FHIT: variants seen among roughly 807,000 people sequenced by gnomAD.
FHIT encodes the protein bis(5'-adenosyl)-triphosphatase.
Under a neutral mutation model 17.9 loss-of-function variants are expected in FHIT, and 19 were observed. That is an observed-to-expected ratio of 1.06 (90% CI 0.74 to 1.56). The LOEUF is 1.56. FHIT is among the 40% of genes most tolerant of loss of function. The pLI, the probability that FHIT is intolerant of heterozygous loss-of-function variation, is 0.00. For synonymous variants in FHIT, 81 were observed against 69.7 expected, an observed-to-expected ratio of 1.16 and a Z score of -0.81; for missense variants, 248 against 189.2, an observed-to-expected ratio of 1.31 and a Z score of -1.82.
intron 5 of FHIT, among the ~76,000 whole-genome samples, chr3:60,070,265 G>A (rs1283353399): frequency 2.6e-5 from 4 of 152,150 alleles, no homozygotes; most frequent in Admixed American, 2.0e-4. Context: ...CCCAAGATAT[G>A]ATGATGGAGG....
At chr3:60,924,750 A>G (rs1707490380) in intron 3 of FHIT, among the ~76,000 whole-genome samples, 1 of 152,174 alleles carries the variant, frequency 6.6e-6, no homozygotes, top group Non-Finnish European at 1.5e-5. Flanking sequence ...TCAGACGATC[A>G]AACTACTCCG....
At chr3:60,294,979 C>T (rs1025947364) in intron 5 of FHIT, among the ~76,000 whole-genome samples, 2 of 152,112 alleles carry the variant, frequency 1.3e-5, no homozygotes, top group Non-Finnish European at 2.9e-5. Context: ...AATAAAGCTG[C>T]TAGGAACATT....
intron 5 of FHIT, among the ~76,000 whole-genome samples, chr3:60,359,473 G>T (rs1055778786): frequency 2.0e-5 from 3 of 151,764 alleles, no homozygotes; most frequent in African/African-American, 7.3e-5. Context: ...TAGAGACAGG[G>T]TTTCACCATG....
At chr3:60,044,259 A>G (rs1427092346) in intron 5 of FHIT, among the ~76,000 whole-genome samples, 2 of 152,196 alleles carry the variant, frequency 1.3e-5, no homozygotes, top group East Asian at 3.9e-4. Flanking sequence ...TTGATAGATG[A>G]ACTGTCTTTT....
At chr3:60,692,552 G>T (rs1042233714) in intron 4 of FHIT, among the ~76,000 whole-genome samples, 1 of 152,082 alleles carries the variant, frequency 6.6e-6, no homozygotes, top group Non-Finnish European at 1.5e-5. Context: ...ATGAAAGGGG[G>T]CCACAAGCTA....
chr3:60,039,934 C>T (rs745959824), intron 5 of FHIT, among the ~76,000 whole-genome samples: 1 of 152,078 alleles, frequency 6.6e-6, no homozygotes, highest in Admixed American at 6.6e-5. Context: ...GTCACTGATC[C>T]ACCATTCTTT....
rs879951442 is a variant in FHIT, at chr3:60,784,961, G to GA, written c.-18+36957dup. Among the ~76,000 whole-genome samples, 186 of 152,292 alleles carry GA rather than the reference G, an allele frequency of 1.2e-3. 1 individual carries two copies. The highest frequency in any genetic ancestry group is 1.9e-3 in the Non-Finnish European group (126 of 68,018). On this transcript the variant is annotated intron_variant, in intron 4 of 9. Transcript: ENST00000492590. ...TGGACTTCACAGCCTCCAGCATTGT[G>GA]AGACAGACATTTCTGTTGTTTATGA...
intron 2 of FHIT, among the ~76,000 whole-genome samples, chr3:61,089,586 G>T (rs1319103304): frequency 6.6e-6 from 1 of 152,116 alleles, no homozygotes; most frequent in Non-Finnish European, 1.5e-5. Flanking sequence ...GAATACAATT[G>T]TAAATATTTG....
chr3:59,860,609 T>C (rs1410571947), intron 8 of FHIT, among the ~76,000 whole-genome samples: 1 of 152,188 alleles, frequency 6.6e-6, no homozygotes, highest in Non-Finnish European at 1.5e-5. Context: ...TAATGAAAAG[T>C]ATGAGACTGA....
At chr3:60,855,574 T>C (rs987824031) in intron 3 of FHIT, among the ~76,000 whole-genome samples, 1 of 152,140 alleles carries the variant, frequency 6.6e-6, no homozygotes, top group Admixed American at 6.6e-5. Flanking sequence ...TCCTGTTTTC[T>C]CATAGTAATA....
chr3:60,254,452 A>T (rs921885550), intron 5 of FHIT, among the ~76,000 whole-genome samples: 6 of 152,310 alleles, frequency 3.9e-5, no homozygotes, highest in Non-Finnish European at 8.8e-5. Context: ...AGAGACAAGA[A>T]GGTGGTGGCA....
rs113167368 is a variant in FHIT, at chr3:60,440,174, G to A, written c.103+96686C>T. On this transcript the variant is annotated intron_variant, in intron 5 of 9. Coordinates refer to ENST00000492590, the MANE Select transcript of FHIT (RefSeq NM_002012.4). The stretch of plus-strand genomic sequence containing the variant: ...CCTAGGCTTCTTGGAATGATTTCAG[G>A]AACAACTTGCTGCCCTTGGTCCACT... Among the ~76,000 whole-genome samples the A allele has an allele frequency of 3.9e-3, 597 of 152,060 alleles. 3 individuals carry two copies. Among genetic ancestry groups the A allele is most frequent in the African/African-American group, 0.014 (571 of 41,486 alleles).
intron 5 of FHIT, among the ~76,000 whole-genome samples, chr3:60,188,953 T>C (rs944542496): frequency 6.6e-6 from 1 of 152,138 alleles, no homozygotes; most frequent in Non-Finnish European, 1.5e-5. Context: ...GACACTAATA[T>C]GAGCACTGTA....
At chr3:59,843,015 T>C (rs1240011628) in intron 8 of FHIT, among the ~76,000 whole-genome samples, 1 of 152,210 alleles carries the variant, frequency 6.6e-6, no homozygotes, top group African/African-American at 2.4e-5. Context: ...CTCTAAATTT[T>C]ATTCTAAGAG....
At chr3:60,748,321 T>C (rs1253094877) in intron 4 of FHIT, among the ~76,000 whole-genome samples, 2 of 152,170 alleles carry the variant, frequency 1.3e-5, no homozygotes, top group African/African-American at 4.8e-5. Flanking sequence ...AAAAGTTTAT[T>C]TATGTGCATA....
chr3:60,150,179 T>C lies in FHIT; in HGVS notation c.104-136027A>G, dbSNP rs1425504304. On this transcript the variant is annotated intron_variant, in intron 5 of 9. Coordinates refer to ENST00000492590, the MANE Select transcript of FHIT (RefSeq NM_002012.4). ...CGCCCGGCTCATTTTGTATTTTTAGTAGAGATGGGGTTTCTCCATATTGGT... is the reference window on the plus strand; with the variant it reads ...CGCCCGGCTCATTTTGTATTTTTAGCAGAGATGGGGTTTCTCCATATTGGT... Among the ~76,000 whole-genome samples, 3 of 151,844 alleles carry C rather than the reference T, an allele frequency of 2.0e-5. No homozygotes were observed. In the East Asian group the frequency reaches 5.8e-4, roughly 30 times the overall value.
intron 4 of FHIT, among the ~76,000 whole-genome samples, chr3:60,576,122 T>C (rs2037557025): frequency 6.6e-6 from 1 of 151,976 alleles, no homozygotes; most frequent in African/African-American, 2.4e-5. Context: ...CGGGTAGAAG[T>C]TGAACCTCAG....
intron 5 of FHIT, among the ~76,000 whole-genome samples, chr3:60,061,238 C>T (rs1702281793): frequency 6.6e-6 from 1 of 152,134 alleles, no homozygotes; most frequent in Non-Finnish European, 1.5e-5. Flanking sequence ...TGCCACACAG[C>T]GAAAGGACCT....
At chr3:61,071,102 A>G (rs1422001135) in intron 2 of FHIT, among the ~76,000 whole-genome samples, 1 of 152,192 alleles carries the variant, frequency 6.6e-6, no homozygotes, top group Non-Finnish European at 1.5e-5. Flanking sequence ...TGCCTTGTAC[A>G]ATTAATACAA....
Sources: allele counts gnomAD v4.1 joint callset (sites outside exome capture counted in the v4.1 genomes callset), GRCh38; gene constraint gnomAD v4.1.1; transcripts MANE v1.5; gene names NCBI Gene and HGNC (gene_info 2026-07-23, HGNC 2026-07-21).